The following LTBR variants were observed in gnomAD, a reference collection of about 807,000 sequenced individuals.
LTBR encodes lymphotoxin beta receptor, also known as tumor necrosis factor receptor superfamily member 3.
In LTBR, 15 loss-of-function variants were observed where a neutral mutation model predicts 45.4. That is an observed-to-expected ratio of 0.33 (90% CI 0.22 to 0.51). The LOEUF is 0.51. Among genes scored for constraint, LTBR ranks in the 20% least tolerant of loss-of-function variants. The probability of loss-of-function intolerance (pLI) is 0.97; values close to 1 mark genes in which losing one functional copy is unlikely to be tolerated. For synonymous variants in LTBR, 228 were observed against 231.0 expected, an observed-to-expected ratio of 0.99 and a Z score of 0.12; for missense variants, 450 against 565.5, an observed-to-expected ratio of 0.80 and a Z score of 2.07.
intron 1 of LTBR, chr12:6,375,613 G>C: frequency 1.1e-6 from 1 of 913,060 alleles, no homozygotes; most frequent in Non-Finnish European, 1.7e-6. Flanking sequence ...GGCGGGGGGA[G>C]GGGCTGAGGA....
At chr12:6,375,968 G>C (rs1043887099) in intron 1 of LTBR, 188 of 1,030,064 alleles carry the variant, frequency 1.8e-4, no homozygotes, top group Non-Finnish European at 2.1e-4. Context: ...AGAGGCAGGT[G>C]GGGGGCAGTG....
chr12:6,377,648 C>G (rs570527369), intron 1 of LTBR: 2 of 1,307,928 alleles, frequency 1.5e-6, no homozygotes, highest in Non-Finnish European at 2.0e-6. Flanking sequence ...CTCCAGTCTC[C>G]CTTGAGCCAG....
chr12:6,388,334 C>T lies in LTBR; in HGVS notation c.668-64C>T. 2 of 1,204,240 alleles carry T rather than the reference C, an allele frequency of 1.7e-6. No individual in the cohort carries two copies. The highest frequency in any genetic ancestry group is 1.2e-6 in the Non-Finnish European group (1 of 812,074). The allele number at this position is 1,204,240 out of a possible 1,614,324, so 74.6% of individuals were successfully genotyped here. A position where few individuals can be genotyped will look rare whatever the true frequency, so the allele number is the denominator to read the frequency against. On this transcript the variant is annotated intron_variant, in intron 6 of 9. Transcript: ENST00000228918. The surrounding 1 kb of genome is among the most constrained non-coding windows in gnomAD (Gnocchi z 4.3). ...TGCCCAGGGATCTGGAAAGCTCTTCCTTCTCCTCCTCCCCTCTGCCCTTCT... is the reference window on the plus strand; with the variant it reads ...TGCCCAGGGATCTGGAAAGCTCTTCTTTCTCCTCCTCCCCTCTGCCCTTCT...
intron 1 of LTBR, chr12:6,377,165 G>A: frequency 8.8e-7 from 1 of 1,139,928 alleles, no homozygotes; most frequent in Non-Finnish European, 1.3e-6. Flanking sequence ...CCTGGTCTGT[G>A]GCTTCCTCTC....
At position 6,390,300 on chromosome 12, in the gene LTBR, G is replaced by T. The variant is rs774000672; in HGVS notation, c.990G>T (p.Glu330Asp). 5.6e-6 allele frequency: 9 copies of T among 1,612,078 alleles called. No individual in the cohort carries two copies. The African/African-American group carries it at 8.0e-5, about 14-fold the overall frequency. Residue 330 changes from glutamate to aspartate, a missense_variant, in exon 9 of 10, where the codon GAG (glutamate) becomes GAT (aspartate). By Grantham distance (45) the Glu-to-Asp change is conservative. Transcript: ENST00000228918. ...QQQSPLDLTR[E>D]PQLEPGEQSQ... ...AGAGTCCTCTGGACCTGACCAGGGA[G>T]CCGCAGTTGGAACCCGGGGAGCAGA...
rs1949047911 is a variant in LTBR, at chr12:6,386,341, C to T, written c.570-6C>T. 6.2e-7 allele frequency: 1 copy of T among 1,611,982 alleles called. No individual in the cohort carries two copies. Among genetic ancestry groups the T allele is most frequent in the Admixed American group, 1.7e-5 (1 of 59,980 alleles). On this transcript the variant is annotated splice_polypyrimidine_tract_variant and splice_region_variant and intron_variant, in intron 5 of 9. Transcript: ENST00000228918. The surrounding 1 kb of genome is among the most constrained non-coding windows in gnomAD (Gnocchi z 4.1). ...GAAAAGGTCATCATCTTTTTTTCCT[C>T]TGCAGGTGTGAGAACCAAGGTCTGG... is the stretch of plus-strand genomic sequence containing the variant.
intron 6 of LTBR, chr12:6,387,774 CCT>C (rs999756238): frequency 1.3e-4 from 54 of 412,214 alleles, no homozygotes; most frequent in Admixed American, 8.2e-4. Flanking sequence ...CGAACTCCAG[CCT>C]CTCTTTCTCT....
In LTBR at chr12:6,386,561, G is replaced by T; in HGVS notation, c.667+117G>T. The T allele has an allele frequency of 2.6e-6, 2 of 758,842 alleles. No homozygotes were observed. Among genetic ancestry groups the T allele is most frequent in the Non-Finnish European group, 4.4e-6 (2 of 458,086 alleles). 47.0% of individuals were successfully genotyped at this position (758,842 alleles called of 1,614,324 possible). On this transcript the variant is annotated intron_variant, in intron 6 of 9. Coordinates refer to ENST00000228918, the MANE Select transcript of LTBR (RefSeq NM_002342.3). The surrounding 1 kb of genome is among the most constrained non-coding windows in gnomAD (Gnocchi z 4.1). ...CTTCCCTCCCAGAATTGGGCAAGAA[G>T]AAAGTTCCTTACAGAAAAAATTGGA...
intron 1 of LTBR, among the ~76,000 whole-genome samples, chr12:6,376,822 C>G (rs530607445): frequency 4.6e-5 from 7 of 152,202 alleles, no homozygotes; most frequent in South Asian, 2.1e-4. Context: ...TGGTCACTGG[C>G]TTGTCCTGCC....
At position 6,385,266 on chromosome 12, in the gene LTBR, G is replaced by T. The variant is rs765174366; in HGVS notation, c.359G>T (p.Arg120Leu). 1.9e-6 allele frequency: 3 copies of T among 1,614,050 alleles called. No individual in the cohort carries two copies. Among genetic ancestry groups the T allele is most frequent in the Non-Finnish European group, 2.5e-6 (3 of 1,180,020 alleles). The part of the protein sequence containing the change: ...LEEIAPCTSK[R>L]KTQCRCQPGM... Reference sequence around the variant, plus strand: ...GAGATTGCCCCCTGCACAAGCAAACGGAAGACCCAGTGCCGCTGCCAGCCG... The same window carrying T: ...GAGATTGCCCCCTGCACAAGCAAACTGAAGACCCAGTGCCGCTGCCAGCCG... The change falls in exon 4 of 10, where the codon CGG (arginine) becomes CTG (leucine). Residue 120 changes from arginine (R) to leucine (L), a missense_variant. Arg to Leu is a moderately radical substitution (Grantham distance 102). Around this residue, in one of 3 missense-constraint regions of LTBR, gnomAD observed 367 missense variants for 435.4 expected, o/e 0.84. Transcript: ENST00000228918.
intron 1 of LTBR, chr12:6,377,845 A>T (rs1409886994): frequency 2.4e-6 from 1 of 420,632 alleles, no homozygotes; most frequent in Non-Finnish European, 4.7e-6. Flanking sequence ...AAGAATTGCA[A>T]TGCCTGGTCT....
chr12:6,385,770 G>A (rs998158309), intron 4 of LTBR: 27 of 220,664 alleles, frequency 1.2e-4, no homozygotes, highest in Middle Eastern at 1.0e-3. Context: ...GCCGGGCGTG[G>A]TGGTGGGCGC....
At chr12:6,389,265 T>C (rs1419113732) in intron 8 of LTBR, 2 of 170,310 alleles carry the variant, frequency 1.2e-5, no homozygotes, top group Non-Finnish European at 2.5e-5. Flanking sequence ...GAGCAACCAG[T>C]GCAAAGACCC....
In LTBR at chr12:6,385,073, C is replaced by T; in HGVS notation, c.245C>T (p.Thr82Ile). ...CSRIRDTVCA[T>I]CAENSYNEHW... ...CGCATCCGGGACACAGTTTGTGCCA[C>T]ATGTGCCGAGAATTCCTACAACGAG... Residue 82 changes from threonine to isoleucine, a missense_variant, in exon 3 of 10, where the codon ACA becomes ATA. Thr to Ile is a moderately conservative substitution (Grantham distance 89). Transcript: ENST00000228918. The T allele has an allele frequency of 1.2e-6, 2 of 1,614,234 alleles. No individual in the cohort carries two copies. Among genetic ancestry groups the T allele is most frequent in the Non-Finnish European group, 8.5e-7 (1 of 1,180,030 alleles).
upstream of LTBR, among the ~76,000 whole-genome samples, chr12:6,380,103 T>A (rs1948968915): frequency 6.6e-6 from 1 of 152,232 alleles, no homozygotes; most frequent in African/African-American, 2.4e-5. Flanking sequence ...CTGTGCAGGA[T>A]GTTCAGCAGC....
chr12:6,389,920 G>GCACT, intron 8 of LTBR, 192 bp from the exon 9 acceptor site: 1 of 594,852 alleles, frequency 1.7e-6, no homozygotes, highest in South Asian at 2.0e-5. Context: ...TTGCACCACT[G>GCACT]CACTGTAGCC....
chr12:6,384,365 C>G lies in LTBR; in HGVS notation c.7C>G (p.Leu3Val). The G allele has an allele frequency of 1.3e-6, 2 of 1,520,636 alleles. No individual in the cohort carries two copies. The highest frequency in any genetic ancestry group is 1.8e-6 in the Non-Finnish European group (2 of 1,138,598). The allele number at this position is 1,520,636 out of a possible 1,614,324, so 94.2% of individuals were successfully genotyped here. A position where few individuals can be genotyped will look rare whatever the true frequency, so the allele number is the denominator to read the frequency against. Reference protein sequence around the residue: MLLPWATSAPGLA... With the variant: MLVPWATSAPGLA... ...GCCTGGCCGAGTGGCCGCCATGCTC[C>G]TGCCTTGGGCCACCTCTGCCCCCGG... Residue 3 changes from leucine to valine, a missense_variant, in exon 1 of 10, where the codon CTG becomes GTG. Coordinates refer to ENST00000228918, the MANE Select transcript of LTBR (RefSeq NM_002342.3).
intron 8 of LTBR, 99 bp from the exon 9 acceptor site, chr12:6,390,009 GGAAA>G (rs1443363810): frequency 3.0e-5 from 23 of 761,120 alleles, no homozygotes; most frequent in East Asian, 1.5e-4. Context: ...AAGGAAGGAA[GGAAA>G]GAAAGAAAGA....
chr12:6,375,448 A>T, exon 1 of LTBR: 2 of 1,535,032 alleles, frequency 1.3e-6, no homozygotes, highest in Admixed American at 2.0e-5. Context: ...TTGCGGCTGG[A>T]CTGGGACTGG....
Sources: gnomAD v4.1 joint callset for allele counts (sites outside exome capture counted in the v4.1 genomes callset) on GRCh38, gnomAD v4.1.1 for gene constraint, gnomAD v4.1.1 regional missense constraint, Gnocchi (gnomAD v3.1) non-coding constraint, MANE v1.5 for transcripts, NCBI Gene and HGNC (gene_info 2026-07-23, HGNC 2026-07-21) for gene names.